Variants in NXPH1 observed in about 807,000 individuals in gnomAD.
NXPH1 encodes the protein neurexophilin 1.
In NXPH1, 5 loss-of-function variants were observed where a neutral mutation model predicts 23.7. That is an observed-to-expected ratio of 0.21 (90% confidence interval 0.11 to 0.44). The LOEUF is 0.44. Among genes scored for constraint, NXPH1 ranks in the 20% least tolerant of loss-of-function variants. The pLI is 0.99. For synonymous variants in NXPH1, 144 were observed against 122.2 expected (o/e 1.18, Z -1.18); for missense variants, 324 against 321.6 (o/e 1.01, Z -0.06).
chr7:8,562,376 C>T (rs1306710126), intron 2 of NXPH1, among the ~76,000 whole-genome samples: 1 of 151,658 alleles, frequency 6.6e-6, no homozygotes, highest in Non-Finnish European at 1.5e-5. Context: ...AGTACTTCAG[C>T]AAAAGAGATA....
intron 2 of NXPH1, among the ~76,000 whole-genome samples, chr7:8,713,147 G>A (rs1329366261): frequency 1.3e-5 from 2 of 150,038 alleles, no homozygotes; most frequent in African/African-American, 4.9e-5. Flanking sequence ...TTTTTCTTTT[G>A]TCTCCTCTGA....
intron 2 of NXPH1, among the ~76,000 whole-genome samples, chr7:8,739,902 T>C (rs1433709827): frequency 6.6e-6 from 1 of 152,170 alleles, no homozygotes; most frequent in African/African-American, 2.4e-5. Context: ...AAGACATTAT[T>C]AGGTGATAGG....
intron 2 of NXPH1, among the ~76,000 whole-genome samples, chr7:8,704,033 C>G (rs549143903): frequency 3.3e-5 from 5 of 152,138 alleles, no homozygotes; most frequent in African/African-American, 1.2e-4. Flanking sequence ...TAATTTATAT[C>G]AAAAGTTTCA....
chr7:8,740,664 T>A (rs1191031049), intron 2 of NXPH1, among the ~76,000 whole-genome samples: 1 of 152,176 alleles, frequency 6.6e-6, no homozygotes, highest in Non-Finnish European at 1.5e-5. Context: ...AAGCACTGCT[T>A]TGCATGAAGG....
chr7:8,549,853 G>A (rs1380128116), intron 2 of NXPH1, among the ~76,000 whole-genome samples: 1 of 151,478 alleles, frequency 6.6e-6, no homozygotes, highest in African/African-American at 2.4e-5. Flanking sequence ...CACCCTGGAA[G>A]CCCAGTTTCA....
chr7:8,589,472 C>CT (rs1022119302), intron 2 of NXPH1, among the ~76,000 whole-genome samples: 3 of 151,938 alleles, frequency 2.0e-5, no homozygotes, highest in African/African-American at 7.3e-5. Context: ...TGGAATCCTG[C>CT]TGAAGACATG....
chr7:8,592,050 T>C (rs187726146), intron 2 of NXPH1, among the ~76,000 whole-genome samples: 1 of 151,970 alleles, frequency 6.6e-6, no homozygotes, highest in East Asian at 1.9e-4. Context: ...TAAGGGATAA[T>C]CTGGAGAGGC....
At chr7:8,450,138 C>T (rs1214050487) in intron 2 of NXPH1, among the ~76,000 whole-genome samples, 1 of 152,184 alleles carries the variant, frequency 6.6e-6, no homozygotes, top group Non-Finnish European at 1.5e-5. Flanking sequence ...TAACAAATCA[C>T]ACTCATGTTT....
At chr7:8,705,364 T>C (rs1035132846) in intron 2 of NXPH1, among the ~76,000 whole-genome samples, 1 of 152,042 alleles carries the variant, frequency 6.6e-6, no homozygotes, top group Non-Finnish European at 1.5e-5. Flanking sequence ...ATTCATGAAG[T>C]GAAAGTTTTT....
At chr7:8,548,914 G>C (rs987153874) in intron 2 of NXPH1, among the ~76,000 whole-genome samples, 1 of 151,452 alleles carries the variant, frequency 6.6e-6, no homozygotes, top group Non-Finnish European at 1.5e-5. Context: ...TCAGTAAAAG[G>C]AGTAGTTAAA....
intron 2 of NXPH1, among the ~76,000 whole-genome samples, chr7:8,499,012 G>A (rs76282345): frequency 0.24 from 36,374 of 151,926 alleles, 5,254 homozygotes; most frequent in African/African-American, 0.4. Flanking sequence ...ACTTGAGAGA[G>A]TGTTTAACAT....
intron 2 of NXPH1, among the ~76,000 whole-genome samples, chr7:8,626,273 C>A (rs1469279416): frequency 6.6e-6 from 1 of 151,942 alleles, no homozygotes; most frequent in Non-Finnish European, 1.5e-5. Flanking sequence ...GGATATACAT[C>A]ATAAATTATG....
chr7:8,657,248 G>C (rs1388830380), intron 2 of NXPH1, among the ~76,000 whole-genome samples: 2 of 152,206 alleles, frequency 1.3e-5, no homozygotes, highest in African/African-American at 4.8e-5. Flanking sequence ...ATAAGGTAGT[G>C]CAAGTGCCAA....
chr7:8,702,378 C>G (rs547206882), intron 2 of NXPH1, among the ~76,000 whole-genome samples: 3 of 152,036 alleles, frequency 2.0e-5, no homozygotes, highest in Non-Finnish European at 4.4e-5. Flanking sequence ...TTATGTTTCA[C>G]TTATTCAAAC....
At chr7:8,522,996 T>A (rs1817798340) in intron 2 of NXPH1, among the ~76,000 whole-genome samples, 1 of 152,196 alleles carries the variant, frequency 6.6e-6, no homozygotes, top group Non-Finnish European at 1.5e-5. Context: ...TTTGGGCAAA[T>A]ACACTTTTTG....
rs528909148 is a variant in NXPH1 at position 8,713,481 on chromosome 7, T to C, written c.55-37527T>C. On this transcript the variant is annotated intron_variant, in intron 2 of 2. Coordinates refer to ENST00000405863, the MANE Select transcript of NXPH1 (RefSeq NM_152745.3). Reference sequence around the variant, plus strand: ...TAGTTTGTTTGGTGACATCATGTTTTCCTGGATGGTCTTGATGCTTGCAGA... The same window carrying C: ...TAGTTTGTTTGGTGACATCATGTTTCCCTGGATGGTCTTGATGCTTGCAGA... 2.6e-5 allele frequency among the ~76,000 whole-genome samples: 4 copies of C among 152,042 alleles called. No individual in the cohort carries two copies. The South Asian group carries it at 8.3e-4, about 31-fold the overall frequency.
intron 2 of NXPH1, among the ~76,000 whole-genome samples, chr7:8,538,537 G>A (rs1818063910): frequency 6.6e-6 from 1 of 151,900 alleles, no homozygotes. Context: ...ACCTCAAAGA[G>A]ATGTAGTAAG....
At chr7:8,750,673 A>C (rs1247358152) in intron 2 of NXPH1, among the ~76,000 whole-genome samples, 1 of 152,080 alleles carries the variant, frequency 6.6e-6, no homozygotes, top group Non-Finnish European at 1.5e-5. Flanking sequence ...TCTTCCATTA[A>C]CCAGTGGTTT....
chr7:8,439,139 C>T (rs1255151103), intron 2 of NXPH1, among the ~76,000 whole-genome samples: 1 of 152,128 alleles, frequency 6.6e-6, no homozygotes, highest in Non-Finnish European at 1.5e-5. Context: ...AAAAGTTTTG[C>T]AATCTTTATT....
Sources: gnomAD v4.1 joint callset for allele counts (sites outside exome capture counted in the v4.1 genomes callset) on GRCh38, gnomAD v4.1.1 for gene constraint, MANE v1.5 for transcripts, NCBI Gene and HGNC (gene_info 2026-07-23, HGNC 2026-07-21) for gene names.